LSM1: variants seen among roughly 807,000 people sequenced by gnomAD.
LSM1 encodes the protein LSM1 homolog, mRNA degradation associated, also known as U6 snRNA-associated Sm-like protein LSm1.
Under a neutral mutation model 18.0 loss-of-function variants are expected in LSM1, and 13 were observed. The observed-to-expected ratio is 0.72, with a 90% CI of 0.47 to 1.15. The LOEUF (loss-of-function observed/expected upper bound fraction) is 1.15, where lower values mean the gene tolerates loss of function less well. Ranked by LOEUF, LSM1 falls within the 50% of genes most tolerant of loss-of-function variation. The pLI is 0.00. For synonymous variants in LSM1, 46 were observed against 56.0 expected, an observed-to-expected ratio of 0.82 and a Z score of 0.80; for missense variants, 152 against 157.7, an observed-to-expected ratio of 0.96 and a Z score of 0.19.
intron 3 of LSM1, among the ~76,000 whole-genome samples, chr8:38,165,408 C>T (rs1017186063): frequency 1.3e-5 from 2 of 151,592 alleles, no homozygotes; most frequent in South Asian, 2.1e-4. Flanking sequence ...AAAAAATACA[C>T]ACTCATCGTA....
chr8:38,169,711 G>T (rs1802992126), intron 3 of LSM1, 91 bp downstream of exon 3: 4 of 713,430 alleles, frequency 5.6e-6, no homozygotes, highest in Admixed American at 2.6e-5. Flanking sequence ...TAAATGTGGA[G>T]AATATTTTTA....
chr8:38,169,677 G>T, intron 3 of LSM1, 125 bp downstream of exon 3: 1 of 568,372 alleles, frequency 1.8e-6, no homozygotes, highest in Non-Finnish European at 3.1e-6. Flanking sequence ...AAATTAATTT[G>T]GTAGTTGCCT....
intron 2 of LSM1, 128 bp from the exon 3 acceptor site, chr8:38,170,045 AT>A: frequency 1.9e-6 from 1 of 534,872 alleles, no homozygotes; most frequent in Non-Finnish European, 3.3e-6. Flanking sequence ...AATTATTTTT[AT>A]TTATTTATTT....
chr8:38,175,469 A>G (rs1353421378), intron 1 of LSM1, among the ~76,000 whole-genome samples: 1 of 152,226 alleles, frequency 6.6e-6, no homozygotes, highest in Non-Finnish European at 1.5e-5. Context: ...TCTTGAAACA[A>G]GTTAATGAGA....
At chr8:38,163,932 A>G in intron 3 of LSM1, 92 bp from the exon 4 acceptor site, 1 of 1,110,404 alleles carries the variant, frequency 9.0e-7, no homozygotes, top group South Asian at 1.4e-5. Flanking sequence ...TCAGGCTCAG[A>G]TTATTTTTCA....
At chr8:38,173,376 C>CG (rs113729750) in intron 1 of LSM1, among the ~76,000 whole-genome samples, 1,706 of 115,006 alleles carry the variant, frequency 0.015, 22 homozygotes, top group African/African-American at 0.039. Context: ...AGGAAGGGGG[C>CG]GGGGGGGGAG....
chr8:38,171,856 T>A, intron 2 of LSM1, 109 bp downstream of exon 2: 1 of 776,606 alleles, frequency 1.3e-6, no homozygotes. Flanking sequence ...TCCTACTAGG[T>A]CACACACGTG....
At chr8:38,175,490 G>C (rs1264229673) in intron 1 of LSM1, among the ~76,000 whole-genome samples, 2 of 152,134 alleles carry the variant, frequency 1.3e-5, no homozygotes, top group African/African-American at 4.8e-5. Context: ...AAGATCACAT[G>C]ATTAAAACAA....
intron 1 of LSM1, among the ~76,000 whole-genome samples, chr8:38,173,841 A>C (rs1803070547): frequency 6.6e-6 from 1 of 152,226 alleles, no homozygotes; most frequent in South Asian, 2.1e-4. Flanking sequence ...AGGTGATATA[A>C]AAAACTAAAG....
chr8:38,168,595 A>G (rs1802976589), intron 3 of LSM1, among the ~76,000 whole-genome samples: 1 of 150,806 alleles, frequency 6.6e-6, no homozygotes, highest in Non-Finnish European at 1.5e-5. Flanking sequence ...CTGTCCCAAA[A>G]AAAAAAAAAA....
At chr8:38,167,831 C>G (rs1802962395) in intron 3 of LSM1, among the ~76,000 whole-genome samples, 1 of 152,012 alleles carries the variant, frequency 6.6e-6, no homozygotes, top group Admixed American at 6.6e-5. Flanking sequence ...GGAGGATTGC[C>G]TAAGCCTAGG....
intron 3 of LSM1, chr8:38,166,088 A>G (rs910961391): frequency 1.3e-5 from 2 of 152,156 alleles, no homozygotes; most frequent in African/African-American, 2.4e-5. Flanking sequence ...TGTTGTTCCA[A>G]TTTTAGTAGA....
upstream of LSM1, chr8:38,176,501 C>T (rs1040148005): frequency 1.2e-5 from 7 of 594,270 alleles, no homozygotes; most frequent in Admixed American, 1.5e-4. Flanking sequence ...ATTACCCTTA[C>T]CCACTTCCTG....
rs972236635 is a variant in LSM1 at position 38,176,400 on chromosome 8, C to A, written c.-80G>T. 6.0e-6 allele frequency: 7 copies of A among 1,170,418 alleles called. No individual in the cohort carries two copies. The highest frequency in any genetic ancestry group is 7.5e-6 in the Non-Finnish European group (6 of 805,172). 72.5% of individuals were successfully genotyped at this position (1,170,418 alleles called of 1,614,324 possible). On this transcript the variant is annotated 5_prime_UTR_variant, in exon 1 of 4. Coordinates refer to ENST00000311351, the MANE Select transcript of LSM1 (RefSeq NM_014462.3). ...ACCTCTTCCCTCCTACCGCAGTCGC[C>A]GCCTCGGTGGGACCAAGCCCGGAAT... is the stretch of plus-strand genomic sequence containing the variant.
At chr8:38,175,171 C>T (rs1442870040) in intron 1 of LSM1, among the ~76,000 whole-genome samples, 1 of 149,344 alleles carries the variant, frequency 6.7e-6, no homozygotes, top group Non-Finnish European at 1.5e-5. Context: ...ACCTTCTCCT[C>T]CCGGGTTCAA....
intron 1 of LSM1, among the ~76,000 whole-genome samples, chr8:38,174,993 T>G (rs1474057937): frequency 4.9e-4 from 54 of 109,818 alleles, no homozygotes; most frequent in African/African-American, 1.9e-3. Flanking sequence ...CACTGCACAC[T>G]ACAGCCTGGG....
rs1170146654 is a variant in LSM1, at chr8:38,171,076, G to A, written c.115+889C>T. On this transcript the variant is annotated intron_variant, in intron 2 of 3. Coordinates refer to ENST00000311351, the MANE Select transcript of LSM1 (RefSeq NM_014462.3). ...AAATGCAGGATGCGAAACAAAGACA[G>A]AGGCCTCTTATTCCAATGTATCCCT... The A allele has an allele frequency of 1.4e-4, 54 of 391,906 alleles. 2 individuals carry two copies. The highest frequency in any genetic ancestry group is 8.0e-4 in the South Asian group (44 of 55,304). The allele number at this position is 391,906 out of a possible 1,614,324, so 24.3% of individuals were successfully genotyped here.
rs959875431 is a variant in LSM1, at chr8:38,175,368, C to G, written c.46+907G>C. Among the ~76,000 whole-genome samples, 3 of 152,080 alleles carry G rather than the reference C, an allele frequency of 2.0e-5. No individual in the cohort carries two copies. In the East Asian group the frequency reaches 5.8e-4, roughly 30 times the overall value. On this transcript the variant is annotated intron_variant, in intron 1 of 3. Coordinates refer to ENST00000311351, the MANE Select transcript of LSM1 (RefSeq NM_014462.3). ...CAGGCGTGAGCCACCGCGCCAGGCC[C>G]GTAAAATGAAATTTTAACCATAGAT...
At chr8:38,169,723 T>A (rs1365036326) in intron 3 of LSM1, 79 bp downstream of exon 3, 1 of 775,770 alleles carries the variant, frequency 1.3e-6, no homozygotes, top group Non-Finnish European at 2.1e-6. Context: ...ATATTTTTAT[T>A]CTCTTTTGAA....
Sources: allele counts gnomAD v4.1 joint callset (sites outside exome capture counted in the v4.1 genomes callset), GRCh38; gene constraint gnomAD v4.1.1; transcripts MANE v1.5; gene names NCBI Gene and HGNC (gene_info 2026-07-23, HGNC 2026-07-21).